COTL1: variants seen among roughly 807,000 people sequenced by gnomAD.
COTL1 encodes coactosin-like protein.
Under a neutral mutation model 16.5 loss-of-function variants are expected in COTL1, and 15 were observed. The ratio of observed to expected loss-of-function variants is 0.91; its 90% CI spans 0.61 to 1.40. COTL1 has a LOEUF of 1.40. Ranked by LOEUF, COTL1 falls within the 40% of genes most tolerant of loss-of-function variation. The pLI, the probability that COTL1 is intolerant of heterozygous loss-of-function variation, is 0.00. For missense variants in COTL1, 220 were observed against 201.5 expected, an observed-to-expected ratio of 1.09 and a Z score of -0.56; for synonymous variants, 112 against 85.3, an observed-to-expected ratio of 1.31 and a Z score of -1.73.
At chr16:84,598,133 C>G (rs903571907) in intron 2 of COTL1, among the ~76,000 whole-genome samples, 1 of 152,170 alleles carries the variant, frequency 6.6e-6, no homozygotes, top group Non-Finnish European at 1.5e-5. Flanking sequence ...GCCAATTGCA[C>G]GCTGGATGTC....
intron 3 of COTL1, chr16:84,575,664 C>G (rs1904437048): frequency 6.6e-6 from 1 of 152,198 alleles, no homozygotes; most frequent in Admixed American, 6.5e-5. Context: ...GACCCCTTTT[C>G]ATTTTTTAAT....
intron 2 of COTL1, among the ~76,000 whole-genome samples, chr16:84,614,275 G>T (rs901840949): frequency 2.0e-5 from 3 of 152,234 alleles, no homozygotes; most frequent in African/African-American, 7.2e-5. Context: ...AGCGAGGAAG[G>T]CCGGGAGCCA....
chr16:84,603,452 C>G (rs544836242), intron 2 of COTL1, among the ~76,000 whole-genome samples: 2 of 152,294 alleles, frequency 1.3e-5, no homozygotes, highest in Middle Eastern at 3.4e-3. Context: ...GGGGGACCCA[C>G]TGAGAGCCCA....
At chr16:84,577,779 G>GTGTCCTAGAAGCACACTGTGA (rs1458837606) in intron 3 of COTL1, among the ~76,000 whole-genome samples, 1 of 152,148 alleles carries the variant, frequency 6.6e-6, no homozygotes, top group Non-Finnish European at 1.5e-5. Flanking sequence ...GGAAGGCATG[G>GTGTCCTAGAAGCACACTGTGA]TGTCCTAGAA....
rs372969859 is a variant in COTL1 at position 84,566,834 on chromosome 16, G to A, written c.*11C>T. 2.6e-5 allele frequency: 41 copies of A among 1,570,074 alleles called. No individual in the cohort carries two copies. The highest frequency in any genetic ancestry group is 1.7e-4 in the African/African-American group (13 of 74,424). On this transcript the variant is annotated 3_prime_UTR_variant, in exon 4 of 4. Coordinates refer to ENST00000262428, the MANE Select transcript of COTL1 (RefSeq NM_021149.5). ...TGACTTTGGCAAGGGGTGGTGTGGC[G>A]GGGGCTGGGGTTACTCCGTCTGGGC... is the stretch of plus-strand genomic sequence containing the variant.
chr16:84,590,052 G>A lies in COTL1; in HGVS notation c.318+53C>T, dbSNP rs992500849. On this transcript the variant is annotated intron_variant, in intron 3 of 3. Transcript: ENST00000262428. This position sits in a 1 kb window ranked among gnomAD's most constrained non-coding sequence, Gnocchi z 5.5. ...GAACCCAGCCCTCTCCCTCCTTGCA[G>A]GATGGTGACCCTTGGCGAGCTTTGA... 3.2e-6 allele frequency: 5 copies of A among 1,562,018 alleles called. No homozygotes were observed. Among genetic ancestry groups the A allele is most frequent in the Middle Eastern group, 1.7e-4 (1 of 5,812 alleles).
rs11273175 is a variant in COTL1, at chr16:84,591,823, CAAATAAAATAAAATAAAATA to C, written c.161-1581_161-1562del. 6.0e-3 allele frequency among the ~76,000 whole-genome samples: 727 copies of C among 120,650 alleles called. 8 individuals are homozygous for C. Among genetic ancestry groups the C allele is most frequent in the African/African-American group, 0.021 (673 of 32,630 alleles). The allele number at this position is 120,650 out of a possible 152,430, so 79.2% of individuals were successfully genotyped here. A position where few individuals can be genotyped will look rare whatever the true frequency, so the allele number is the denominator to read the frequency against. ...TGGGTGGCCAACTGAGACCCTGTCTCAAATAAAATAAAATAAAATAAAATAAAATAAAATAAAATAAAATA... is the reference window on the plus strand; with the variant it reads ...TGGGTGGCCAACTGAGACCCTGTCTCAAATAAAATAAAATAAAATAAAATA... On this transcript the variant is annotated intron_variant, in intron 2 of 3. Transcript: ENST00000262428.
At chr16:84,586,252 A>C (rs1057368284) in intron 3 of COTL1, among the ~76,000 whole-genome samples, 2 of 152,216 alleles carry the variant, frequency 1.3e-5, no homozygotes, top group Admixed American at 6.5e-5. Flanking sequence ...AAACCCCTGC[A>C]CTTCCCACTA....
intron 2 of COTL1, among the ~76,000 whole-genome samples, chr16:84,601,116 TC>T (rs1442009588): frequency 9.9e-5 from 15 of 152,172 alleles, no homozygotes; most frequent in Admixed American, 5.9e-4. Context: ...AGCGTCTGGC[TC>T]CCAATCACTG....
chr16:84,587,666 A>G (rs1345253755), intron 3 of COTL1, among the ~76,000 whole-genome samples: 1 of 152,226 alleles, frequency 6.6e-6, no homozygotes, highest in Non-Finnish European at 1.5e-5. Context: ...CTGGGACCAC[A>G]GCAAAGCCGA....
At chr16:84,582,716 C>A (rs909981365) in intron 3 of COTL1, among the ~76,000 whole-genome samples, 4 of 152,136 alleles carry the variant, frequency 2.6e-5, no homozygotes, top group Admixed American at 2.6e-4. Flanking sequence ...AATGGAGAAG[C>A]CCTTTTCACA....
rs759670407 is a variant in COTL1, at chr16:84,617,600, GA to G, written c.78-18del. On this transcript the variant is annotated intron_variant, in intron 1 of 3. Coordinates refer to ENST00000262428, the MANE Select transcript of COTL1 (RefSeq NM_021149.5). The stretch of plus-strand genomic sequence containing the variant: ...AAAGTCACCCTTTGGGTTGGGAGAA[GA>G]AAAAAACACACACACACATCAGCGC... The G allele has an allele frequency of 4.5e-6, 7 of 1,551,132 alleles. No individual in the cohort carries two copies. The highest frequency in any genetic ancestry group is 1.2e-5 in the South Asian group (1 of 84,090).
At chr16:84,578,521 C>A (rs934066294) in intron 3 of COTL1, among the ~76,000 whole-genome samples, 2 of 152,122 alleles carry the variant, frequency 1.3e-5, no homozygotes, top group Non-Finnish European at 2.9e-5. Flanking sequence ...GTGAAGTAGC[C>A]AGCAGATCAC....
intron 3 of COTL1, among the ~76,000 whole-genome samples, chr16:84,570,873 C>T (rs546492100): frequency 4.7e-4 from 72 of 152,160 alleles, no homozygotes; most frequent in Non-Finnish European, 9.8e-4. Flanking sequence ...ACCTAAAAGT[C>T]CTGTATTCCT....
chr16:84,608,994 C>T (rs1031427399), intron 2 of COTL1, among the ~76,000 whole-genome samples: 2 of 152,202 alleles, frequency 1.3e-5, no homozygotes, highest in African/African-American at 2.4e-5. Context: ...AACGGACAGA[C>T]TGTTCAGCAC....
intron 2 of COTL1, among the ~76,000 whole-genome samples, chr16:84,607,144 T>C (rs767068275): frequency 1.3e-5 from 2 of 150,950 alleles, no homozygotes; most frequent in South Asian, 4.3e-4. Context: ...CGCCAAGGAG[T>C]TGAAGAAACA....
chr16:84,574,176 G>C (rs1355171446), intron 3 of COTL1, among the ~76,000 whole-genome samples: 1 of 152,146 alleles, frequency 6.6e-6, no homozygotes, highest in Non-Finnish European at 1.5e-5. Flanking sequence ...ATTATGTAGA[G>C]GACCAGCAAC....
intron 2 of COTL1, among the ~76,000 whole-genome samples, chr16:84,617,166 G>T (rs1444583314): frequency 8.9e-6 from 1 of 112,340 alleles, no homozygotes; most frequent in Non-Finnish European, 1.7e-5. Flanking sequence ...TGATCAAAGG[G>T]GACAGTGGGA....
chr16:84,607,059 A>T (rs934367210), intron 2 of COTL1, among the ~76,000 whole-genome samples: 1 of 152,198 alleles, frequency 6.6e-6, no homozygotes, highest in Non-Finnish European at 1.5e-5. Context: ...GCAGCCATCT[A>T]ACCATGAAGG....
Sources: allele counts gnomAD v4.1 joint callset (sites outside exome capture counted in the v4.1 genomes callset), GRCh38; gene constraint gnomAD v4.1.1; non-coding constraint Gnocchi (gnomAD v3.1); transcripts MANE v1.5; gene names NCBI Gene and HGNC (gene_info 2026-07-23, HGNC 2026-07-21).